MICAL3: variants seen among roughly 807,000 people sequenced by gnomAD.
MICAL3 encodes [F-actin]-monooxygenase MICAL3.
MICAL3 carries 62 observed loss-of-function variants against 207.4 expected under a neutral mutation model. That is an observed-to-expected ratio of 0.30 (90% CI 0.24 to 0.37). The LOEUF is 0.37. MICAL3 is among the 10% of genes least tolerant of loss of function. MICAL3 has a pLI of 1.00. For missense variants in MICAL3, 2,368 were observed against 2,635.6 expected, an observed-to-expected ratio of 0.90 and a Z score of 2.22; for synonymous variants, 1,077 against 1,069.3, an observed-to-expected ratio of 1.01 and a Z score of -0.14.
intron 1 of MICAL3, among the ~76,000 whole-genome samples, chr22:17,960,916 G>A (rs1392611098): frequency 1.3e-5 from 2 of 152,172 alleles, no homozygotes; most frequent in African/African-American, 2.4e-5. Flanking sequence ...GCTGGGTCAT[G>A]AGGTGAGCAG....
At chr22:17,945,734 C>A (rs776520320) in intron 1 of MICAL3, among the ~76,000 whole-genome samples, 2 of 152,158 alleles carry the variant, frequency 1.3e-5, no homozygotes, top group Non-Finnish European at 2.9e-5. Flanking sequence ...TCCAGTCTAG[C>A]CTCCCACATC....
chr22:18,019,146 C>A, intron 1 of MICAL3: 1 of 152,056 alleles, frequency 6.6e-6, no homozygotes, highest in South Asian at 2.1e-4. Context: ...GAGCTGAGAT[C>A]ACAACACTAC....
At chr22:18,003,802 G>A (rs1001779670) in intron 1 of MICAL3, among the ~76,000 whole-genome samples, 4 of 151,134 alleles carry the variant, frequency 2.6e-5, no homozygotes, top group Non-Finnish European at 1.5e-5. Context: ...ATGGAGTCTC[G>A]CTGTGTTGCA....
intron 16 of MICAL3, among the ~76,000 whole-genome samples, chr22:17,877,315 GGGAGGTTAGGGAGGTTATGGAGGTT>G (rs1928780023): frequency 2.0e-5 from 1 of 49,752 alleles, no homozygotes; most frequent in Non-Finnish European, 3.7e-5. Flanking sequence ...ATGGAGGTTA[GGGAGGTTAGGGAGGTTATGGAGGTT>G]AGGGAGGTTA....
At chr22:17,888,378 A>T (rs1002279499) in intron 13 of MICAL3, among the ~76,000 whole-genome samples, 3 of 152,230 alleles carry the variant, frequency 2.0e-5, no homozygotes, top group African/African-American at 7.2e-5. Flanking sequence ...TGAGAGCCTG[A>T]GACAGCAAGC....
At chr22:17,944,113 T>C (rs1305412692) in intron 1 of MICAL3, among the ~76,000 whole-genome samples, 1 of 133,090 alleles carries the variant, frequency 7.5e-6, no homozygotes, top group East Asian at 1.9e-4. Context: ...CCTGAGTGCA[T>C]GTGTGTGTGT....
chr22:17,814,957 C>T (rs9618120), intron 27 of MICAL3: 38,087 of 139,364 alleles, frequency 0.27, 4,179 homozygotes, highest in Non-Finnish European at 0.29. Context: ...CATCCCCTAG[C>T]CTGGCCGTCC....
At chr22:17,906,977 G>GC in intron 1 of MICAL3, 91 bp from the exon 2 acceptor site, 1 of 666,300 alleles carries the variant, frequency 1.5e-6, no homozygotes, top group Non-Finnish European at 2.5e-6. Flanking sequence ...GAGTTCTAAA[G>GC]TGTCGCAGTC....
rs774654527 is a variant in MICAL3 at position 17,790,589 on chromosome 22, G to C, written c.*143C>G. On this transcript the variant is annotated 3_prime_UTR_variant, in exon 32 of 32. Coordinates refer to ENST00000441493, the MANE Select transcript of MICAL3 (RefSeq NM_015241.3). ...GGGCTCCCCACTGCACGCGGGACTC[G>C]ACCACTTTCCAAGCAGCACACGGGC... The C allele has an allele frequency of 3.2e-5, 24 of 761,336 alleles. No homozygotes were observed. Among genetic ancestry groups the C allele is most frequent in the Non-Finnish European group, 4.3e-5 (21 of 482,962 alleles). The allele number at this position is 761,336 out of a possible 1,614,324, so 47.2% of individuals were successfully genotyped here. A position where few individuals can be genotyped will look rare whatever the true frequency, so the allele number is the denominator to read the frequency against.
intron 1 of MICAL3, among the ~76,000 whole-genome samples, chr22:17,984,841 G>T (rs1319986143): frequency 6.6e-6 from 1 of 152,190 alleles, no homozygotes; most frequent in Non-Finnish European, 1.5e-5. Context: ...AGGCAAAGGG[G>T]TTAAATAATC....
chr22:17,924,794 C>T (rs1932877635), intron 1 of MICAL3, among the ~76,000 whole-genome samples: 2 of 152,306 alleles, frequency 1.3e-5, no homozygotes, highest in South Asian at 4.1e-4. Context: ...AGTGTGAGAA[C>T]AGCAGGTATT....
chr22:17,809,956 T>C (rs987757002), intron 28 of MICAL3, among the ~76,000 whole-genome samples: 2 of 151,674 alleles, frequency 1.3e-5, no homozygotes, highest in Admixed American at 1.3e-4. Flanking sequence ...TGGTGCAATC[T>C]AGGCTCACTG....
At chr22:17,809,076 G>A in intron 28 of MICAL3, 139 bp from the exon 29 acceptor site, 1 of 699,070 alleles carries the variant, frequency 1.4e-6, no homozygotes, top group Non-Finnish European at 2.4e-6. Flanking sequence ...TGCGCTCAGG[G>A]TGTGGCGTGG....
intron 1 of MICAL3, among the ~76,000 whole-genome samples, chr22:17,911,308 T>G (rs1463449357): frequency 3.4e-5 from 5 of 147,270 alleles, no homozygotes; most frequent in Non-Finnish European, 7.5e-5. Flanking sequence ...TGTGGGGGAG[T>G]AGAAAGGAGA....
In MICAL3 at chr22:17,818,300, G is replaced by A. The variant is rs747075434; in HGVS notation, c.4361C>T (p.Thr1454Met). The change falls in exon 26 of 32, where the codon ACG becomes ATG. Residue 1454 changes from threonine to methionine, a missense_variant. Thr to Met is a moderately conservative substitution (Grantham distance 81, BLOSUM62 -1). This residue lies in a region of MICAL3 where 1,770 missense variants were observed against 1,863.2 expected (regional missense o/e 0.95). Transcript: ENST00000441493. ...SFNTSDSAML[T>M]PPSSPPPPPP... ...CGGTGGGGGCGGGCTGGAGGGGGGCGTGAGCATGGCGGAGTCCGAGGTGTT... is the reference window on the plus strand; with the variant it reads ...CGGTGGGGGCGGGCTGGAGGGGGGCATGAGCATGGCGGAGTCCGAGGTGTT... 3.3e-6 allele frequency: 5 copies of A among 1,532,160 alleles called. No individual in the cohort carries two copies. Among genetic ancestry groups the A allele is most frequent in the South Asian group, 1.2e-5 (1 of 82,150 alleles). 94.9% of individuals were successfully genotyped at this position (1,532,160 alleles called of 1,614,324 possible).
At chr22:17,842,358 T>C (rs982858308) in intron 19 of MICAL3, 4 of 263,008 alleles carry the variant, frequency 1.5e-5, no homozygotes, top group Non-Finnish European at 3.0e-5. Context: ...AGGAGCCAGG[T>C]GCCCCTGAAG....
chr22:17,863,582 C>T, intron 19 of MICAL3: 1 of 985,394 alleles, frequency 1.0e-6, no homozygotes, highest in Non-Finnish European at 1.2e-6. Flanking sequence ...AAATGTTGGT[C>T]CCACCTGCAG....
intron 1 of MICAL3, among the ~76,000 whole-genome samples, chr22:18,000,528 C>T (rs895040993): frequency 6.6e-6 from 1 of 152,230 alleles, no homozygotes; most frequent in African/African-American, 2.4e-5. Context: ...AGCGGGGTGG[C>T]GGCTCACCAG....
rs57537906 is a variant in MICAL3 at position 17,894,395 on chromosome 22, C to CAA, written c.1450-493_1450-492dup. On this transcript the variant is annotated intron_variant, in intron 10 of 31. Transcript: ENST00000441493. Reference sequence around the variant, plus strand: ...TGGGCAACAAAGCAAGACTCTGTCTCAAAAAAAAAAAAAAAGAAAAAAGAA... The same window carrying CAA: ...TGGGCAACAAAGCAAGACTCTGTCTCAAAAAAAAAAAAAAAAAGAAAAAAGAA... 6.1e-4 allele frequency among the ~76,000 whole-genome samples: 53 copies of CAA among 86,226 alleles called. 1 individual carries two copies. Among genetic ancestry groups the CAA allele is most frequent in the South Asian group, 5.6e-3 (15 of 2,686 alleles). 56.6% of individuals were successfully genotyped at this position (86,226 alleles called of 152,430 possible). A position where few individuals can be genotyped will look rare whatever the true frequency, so the allele number is the denominator to read the frequency against.
Sources: gnomAD v4.1 joint callset for allele counts (sites outside exome capture counted in the v4.1 genomes callset) on GRCh38, gnomAD v4.1.1 for gene constraint, gnomAD v4.1.1 regional missense constraint, MANE v1.5 for transcripts, NCBI Gene and HGNC (gene_info 2026-07-23, HGNC 2026-07-21) for gene names.